PARP8: variants seen among roughly 807,000 people sequenced by gnomAD.
The protein encoded by PARP8 is protein mono-ADP-ribosyltransferase PARP8.
Under a neutral mutation model 124.1 loss-of-function variants are expected in PARP8, and 51 were observed. The ratio of observed to expected loss-of-function variants is 0.41; its 90% CI spans 0.33 to 0.52. PARP8 has a LOEUF of 0.52. Ranked by LOEUF, PARP8 falls within the 20% of genes least tolerant of loss-of-function variation. PARP8 has a pLI of 0.21. For synonymous variants in PARP8, 391 were observed against 361.5 expected, an observed-to-expected ratio of 1.08 and a Z score of -0.93; for missense variants, 860 against 1,018.9, an observed-to-expected ratio of 0.84 and a Z score of 2.12.
In PARP8 at chr5:50,845,790, C is replaced by T. The variant is rs529256737; in HGVS notation, c.*3722C>T. 408 of 151,824 alleles carry T rather than the reference C, an allele frequency of 2.7e-3. 2 individuals are homozygous for T. Among genetic ancestry groups the T allele is most frequent in the African/African-American group, 9.3e-3 (387 of 41,506 alleles). The allele number at this position is 151,824 out of a possible 1,614,324, so 9.4% of individuals were successfully genotyped here. ...TCCATTACCTAAAGCCACAATCTCC[C>T]GCTCTAAGGAGTTAAAGGATGAAAA... On this transcript the variant is annotated 3_prime_UTR_variant, in exon 26 of 26. Transcript: ENST00000281631.
At chr5:50,701,360 C>T (rs1045323597) in intron 2 of PARP8, among the ~76,000 whole-genome samples, 2 of 151,962 alleles carry the variant, frequency 1.3e-5, no homozygotes, top group South Asian at 2.1e-4. Flanking sequence ...GTGTGGGATA[C>T]GGATCATGGT....
chr5:50,762,009 T>C, intron 6 of PARP8, 111 bp downstream of exon 6: 1 of 528,138 alleles, frequency 1.9e-6, no homozygotes, highest in Non-Finnish European at 3.3e-6. Context: ...TTCAGGGTTC[T>C]GTAACTAACT....
chr5:50,770,804 C>T (rs943407378), intron 7 of PARP8, among the ~76,000 whole-genome samples: 5 of 152,078 alleles, frequency 3.3e-5, no homozygotes, highest in African/African-American at 1.2e-4. Context: ...AATATTTACT[C>T]TCTTTACCTT....
At chr5:50,817,670 A>G (rs1355327923) in intron 15 of PARP8, among the ~76,000 whole-genome samples, 1 of 152,108 alleles carries the variant, frequency 6.6e-6, no homozygotes, top group Non-Finnish European at 1.5e-5. Context: ...TTTTTTTTAA[A>G]TTACTATTGC....
In PARP8 at chr5:50,828,296, C is replaced by T; in HGVS notation, c.2091-16C>T. On this transcript the variant is annotated splice_polypyrimidine_tract_variant and intron_variant, in intron 20 of 25. Transcript: ENST00000281631. ...ATTTTCTGGTTTTGCTTTTTCCTTT[C>T]CGTCTGTTTTTTTAGTGGCTCACAC... 2 of 1,609,532 alleles carry T rather than the reference C, an allele frequency of 1.2e-6. No homozygotes were observed. Among genetic ancestry groups the T allele is most frequent in the Non-Finnish European group, 1.7e-6 (2 of 1,177,452 alleles).
intron 9 of PARP8, among the ~76,000 whole-genome samples, chr5:50,782,134 G>T (rs1399596985): frequency 1.3e-5 from 2 of 152,172 alleles, no homozygotes; most frequent in African/African-American, 4.8e-5. Flanking sequence ...AGAGGCACCA[G>T]CAGTGGTTGA....
intron 15 of PARP8, among the ~76,000 whole-genome samples, chr5:50,818,182 C>CG (rs199783834): frequency 0.042 from 5,875 of 139,638 alleles, 429 homozygotes; most frequent in African/African-American, 0.15. Context: ...TTTAGCCCCC[C>CG]CCCCCCCAAA....
At chr5:50,688,197 G>A (rs1356152243) in intron 2 of PARP8, among the ~76,000 whole-genome samples, 1 of 152,140 alleles carries the variant, frequency 6.6e-6, no homozygotes, top group Non-Finnish European at 1.5e-5. Flanking sequence ...CCACAAAGCC[G>A]ACCAGAGAGA....
chr5:50,833,727 GT>G (rs1237895606), intron 23 of PARP8, among the ~76,000 whole-genome samples: 1 of 152,102 alleles, frequency 6.6e-6, no homozygotes, highest in Non-Finnish European at 1.5e-5. Flanking sequence ...CTAATTCTGT[GT>G]TGTAAGATTA....
intron 3 of PARP8, among the ~76,000 whole-genome samples, chr5:50,755,204 C>T (rs1222470092): frequency 2.0e-5 from 3 of 151,944 alleles, no homozygotes; most frequent in Middle Eastern, 3.2e-3. Flanking sequence ...ATTTGCCAAT[C>T]TTGTCTTTTG....
At chr5:50,755,788 C>T (rs902162106) in intron 3 of PARP8, among the ~76,000 whole-genome samples, 58 of 152,232 alleles carry the variant, frequency 3.8e-4, no homozygotes, top group African/African-American at 9.6e-4. Context: ...GCCATTTTCA[C>T]GATATTGATT....
intron 18 of PARP8, 23 bp downstream of exon 18, chr5:50,824,998 T>C: frequency 6.4e-7 from 1 of 1,574,172 alleles, no homozygotes; most frequent in Non-Finnish European, 8.7e-7. Context: ...AGTTTTCCTC[T>C]TAATGAAAAC....
intron 21 of PARP8, among the ~76,000 whole-genome samples, chr5:50,829,617 T>A (rs1408351301): frequency 6.6e-6 from 1 of 152,146 alleles, no homozygotes; most frequent in Non-Finnish European, 1.5e-5. Context: ...AAATTTTAGA[T>A]CCATTAAAAT....
Position 50,788,558 on chromosome 5 carries a change from G to A in PARP8, c.706G>A (p.Glu236Lys). 6.2e-7 allele frequency: 1 copy of A among 1,613,358 alleles called. No homozygotes were observed. The highest frequency in any genetic ancestry group is 1.3e-5 in the African/African-American group (1 of 74,972). The change falls in exon 10 of 26, where the codon GAG becomes AAG. Residue 236 changes from glutamate to lysine, a missense_variant. Glu to Lys is a moderately conservative substitution (Grantham distance 56). Coordinates refer to ENST00000281631, the MANE Select transcript of PARP8 (RefSeq NM_024615.4). ...TGATGTCTTTCAGATTTCCACAAAA[G>A]AGCGATTTGGATTGGGACATCAGCT... ...TVDVFQISTK[E>K]RFGLGHQLKK... is the part of the protein sequence containing the mutation.
At chr5:50,703,272 C>T (rs185854030) in intron 2 of PARP8, among the ~76,000 whole-genome samples, 27 of 150,410 alleles carry the variant, frequency 1.8e-4, no homozygotes, top group African/African-American at 5.9e-4. Flanking sequence ...TGCACTCCAG[C>T]CTGGGTGACG....
chr5:50,696,187 T>C (rs549156197), intron 2 of PARP8, among the ~76,000 whole-genome samples: 1 of 152,306 alleles, frequency 6.6e-6, no homozygotes, highest in Admixed American at 6.5e-5. Context: ...GGTTAATCTG[T>C]CTTTTATTAG....
chr5:50,719,024 A>T (rs1446002907), intron 2 of PARP8, among the ~76,000 whole-genome samples: 2 of 151,982 alleles, frequency 1.3e-5, no homozygotes, highest in Non-Finnish European at 2.9e-5. Context: ...GTGAGATGGT[A>T]ACTCATTGTA....
At chr5:50,707,906 A>T (rs1391795700) in intron 2 of PARP8, among the ~76,000 whole-genome samples, 5 of 152,056 alleles carry the variant, frequency 3.3e-5, no homozygotes, top group African/African-American at 1.2e-4. Flanking sequence ...TATATTATTG[A>T]GTATTTATCT....
intron 25 of PARP8, among the ~76,000 whole-genome samples, chr5:50,835,529 T>A (rs1295509952): frequency 6.6e-6 from 1 of 151,802 alleles, no homozygotes; most frequent in African/African-American, 2.4e-5. Context: ...ACAGGGAGAA[T>A]CTGTCTCAAA....
Sources: gnomAD v4.1 joint callset for allele counts (sites outside exome capture counted in the v4.1 genomes callset) on GRCh38, gnomAD v4.1.1 for gene constraint, MANE v1.5 for transcripts, NCBI Gene and HGNC (gene_info 2026-07-23, HGNC 2026-07-21) for gene names.